The following FAM114A1 variants were observed in gnomAD, a reference collection of about 807,000 sequenced individuals.
The protein encoded by FAM114A1 is family with sequence similarity 114 member A1, also known as protein NOXP20.
FAM114A1 carries 62 observed loss-of-function variants against 64.3 expected under a neutral mutation model. The observed-to-expected ratio is 0.96, with a 90% confidence interval of 0.79 to 1.19. The LOEUF (loss-of-function observed/expected upper bound fraction) is 1.19, where lower values mean the gene tolerates loss of function less well. Among genes scored for constraint, FAM114A1 ranks in the 50% most tolerant of loss-of-function variants. The pLI is 0.00. For synonymous variants in FAM114A1, 254 were observed against 251.1 expected (o/e 1.01, Z -0.11); for missense variants, 645 against 676.3 (o/e 0.95, Z 0.51).
At chr4:38,876,460 T>C (rs112818872) in intron 2 of FAM114A1, among the ~76,000 whole-genome samples, 8,771 of 85,450 alleles carry the variant, frequency 0.1, 334 homozygotes, top group Non-Finnish European at 0.16. Flanking sequence ...TGTGAGCCAT[T>C]GCACCCTGCC....
intron 6 of FAM114A1, among the ~76,000 whole-genome samples, chr4:38,908,233 T>C (rs1718205706): frequency 6.6e-6 from 1 of 152,214 alleles, no homozygotes; most frequent in African/African-American, 2.4e-5. Context: ...TATTTTATGT[T>C]AATTTTATGT....
intron 3 of FAM114A1, among the ~76,000 whole-genome samples, chr4:38,889,181 T>C (rs556021512): frequency 7.2e-5 from 11 of 152,342 alleles, no homozygotes; most frequent in African/African-American, 2.6e-4. Context: ...TCTAATTGTA[T>C]TAACTCTTCC....
rs769664563 is a variant in FAM114A1, at chr4:38,914,974, G to A, written c.846G>A (p.Thr282=). The A allele has an allele frequency of 4.5e-5, 72 of 1,614,028 alleles. No homozygotes were observed. Among genetic ancestry groups the A allele is most frequent in the Admixed American group, 1.2e-4 (7 of 59,990 alleles). ...KEKQRLAQQL[T]MERTAHYGML... ...AGCAGAGACTGGCACAGCAGCTCAC[G>A]ATGGAGAGAACCGCGCACTACGGGA... is the stretch of plus-strand genomic sequence containing the variant. Residue 282 remains threonine, a synonymous_variant, in exon 8 of 15, where the codon ACG becomes ACA. Coordinates refer to ENST00000358869, the MANE Select transcript of FAM114A1 (RefSeq NM_138389.4).
At chr4:38,919,640 C>T (rs1366272108) in intron 8 of FAM114A1, among the ~76,000 whole-genome samples, 2 of 152,206 alleles carry the variant, frequency 1.3e-5, no homozygotes, top group African/African-American at 4.8e-5. Context: ...TTGGATTTCC[C>T]TGCCCTCTGA....
chr4:38,870,300 A>G (rs1313048171), intron 2 of FAM114A1, among the ~76,000 whole-genome samples: 2 of 152,126 alleles, frequency 1.3e-5, no homozygotes, highest in Non-Finnish European at 2.9e-5. Flanking sequence ...TCACCACATC[A>G]AAGACACTTT....
chr4:38,890,596 C>T (rs770373773), intron 3 of FAM114A1, among the ~76,000 whole-genome samples: 8 of 152,144 alleles, frequency 5.3e-5, no homozygotes, highest in Non-Finnish European at 7.4e-5. Flanking sequence ...TATGATTCTC[C>T]ATACAGGTAA....
chr4:38,924,707 A>G (rs1719945454), intron 9 of FAM114A1, among the ~76,000 whole-genome samples: 1 of 152,226 alleles, frequency 6.6e-6, no homozygotes, highest in Non-Finnish European at 1.5e-5. Flanking sequence ...GTCACAAAGG[A>G]TGACAGCCTT....
chr4:38,916,178 G>T (rs1286947467), intron 8 of FAM114A1, among the ~76,000 whole-genome samples: 1 of 152,188 alleles, frequency 6.6e-6, no homozygotes, highest in African/African-American at 2.4e-5. Flanking sequence ...ATAGGATGGA[G>T]ACATTGTCCC....
At chr4:38,934,935 A>T (rs1398140321) in intron 12 of FAM114A1, among the ~76,000 whole-genome samples, 6 of 148,736 alleles carry the variant, frequency 4.0e-5, no homozygotes, top group Non-Finnish European at 7.4e-5. Context: ...TTTTTTTGAG[A>T]TGGAGTTTTG....
At chr4:38,907,338 T>G (rs561392459) in intron 6 of FAM114A1, among the ~76,000 whole-genome samples, 1 of 152,346 alleles carries the variant, frequency 6.6e-6, no homozygotes, top group African/African-American at 2.4e-5. Context: ...AAGAGGGCAC[T>G]ATGAGTTTGT....
chr4:38,897,616 A>G (rs1717060536), intron 4 of FAM114A1, among the ~76,000 whole-genome samples: 1 of 152,194 alleles, frequency 6.6e-6, no homozygotes, highest in Admixed American at 6.5e-5. Flanking sequence ...CCTTTGGACA[A>G]GTTTGTGAAA....
intron 13 of FAM114A1, among the ~76,000 whole-genome samples, chr4:38,939,886 C>CTTTTTT (rs545845095): frequency 2.9e-4 from 38 of 131,638 alleles, no homozygotes; most frequent in African/African-American, 5.5e-4. Flanking sequence ...CACTTTCTTT[C>CTTTTTT]TTTTTTTTTT....
chr4:38,882,352 A>C (rs1715369800), intron 3 of FAM114A1, among the ~76,000 whole-genome samples: 1 of 139,946 alleles, frequency 7.1e-6, no homozygotes, highest in African/African-American at 2.7e-5. Flanking sequence ...GTTTCTGACC[A>C]GGTGCAGTGG....
intron 8 of FAM114A1, among the ~76,000 whole-genome samples, chr4:38,916,393 A>G (rs997605897): frequency 1.3e-5 from 2 of 152,342 alleles, no homozygotes; most frequent in Middle Eastern, 3.4e-3. Flanking sequence ...AGCAGATGTT[A>G]TAAATGATTC....
At position 38,929,212 on chromosome 4, in the gene FAM114A1, C is replaced by G. The variant is rs368326921; in HGVS notation, c.1070-30C>G. The G allele has an allele frequency of 2.6e-5, 40 of 1,539,060 alleles. No individual in the cohort carries two copies. In the African/African-American group the frequency reaches 4.9e-4, roughly 19 times the overall value. On this transcript the variant is annotated intron_variant, in intron 9 of 14. Coordinates refer to ENST00000358869, the MANE Select transcript of FAM114A1 (RefSeq NM_138389.4). ...ACATCCTGAAGGATGAAAAATAAAT[C>G]ACGCTTCTTCTGTCGTGTTCTATTT...
chr4:38,895,582 G>A (rs1444705480), intron 4 of FAM114A1, among the ~76,000 whole-genome samples: 1 of 152,190 alleles, frequency 6.6e-6, no homozygotes, highest in African/African-American at 2.4e-5. Context: ...ACACTCCAAA[G>A]GGAAGGGATC....
chr4:38,905,736 A>G lies in FAM114A1; in HGVS notation c.551-19A>G, dbSNP rs1055208615. ...GATCAGCGACGTGAACTCTTAAAGG[A>G]TTTCTTTTTTCTCTTTAGTAACAGA... On this transcript the variant is annotated intron_variant, in intron 5 of 14. Transcript: ENST00000358869. 4.3e-6 allele frequency: 7 copies of G among 1,611,140 alleles called. No homozygotes were observed. In the African/African-American group the frequency reaches 5.4e-5, roughly 12 times the overall value.
In FAM114A1 at chr4:38,901,705, G is replaced by A. The variant is rs150248598; in HGVS notation, c.437-3817G>A. ...CTTCAATGGCTTTTTGATCCTGGTGGAATTCACAAGAAGAGAGCTTCATAA... is the reference window on the plus strand; with the variant it reads ...CTTCAATGGCTTTTTGATCCTGGTGAAATTCACAAGAAGAGAGCTTCATAA... On this transcript the variant is annotated intron_variant, in intron 4 of 14. Coordinates refer to ENST00000358869, the MANE Select transcript of FAM114A1 (RefSeq NM_138389.4). Among the ~76,000 whole-genome samples the A allele has an allele frequency of 8.5e-3, 1,299 of 152,280 alleles. 28 individuals are homozygous for A. Among genetic ancestry groups the A allele is most frequent in the African/African-American group, 0.03 (1,233 of 41,560 alleles).
intron 8 of FAM114A1, among the ~76,000 whole-genome samples, chr4:38,915,771 G>C (rs79764066): frequency 1.9e-4 from 29 of 151,400 alleles, no homozygotes; most frequent in East Asian, 1.4e-3. Flanking sequence ...GTGTGTGTGT[G>C]TGTGTGTGTG....
Sources: allele counts gnomAD v4.1 joint callset (sites outside exome capture counted in the v4.1 genomes callset), GRCh38; gene constraint gnomAD v4.1.1; transcripts MANE v1.5; gene names NCBI Gene and HGNC (gene_info 2026-07-23, HGNC 2026-07-21).